Variants in SYT16 observed in about 807,000 individuals in gnomAD.
SYT16 encodes the protein synaptotagmin-16.
Under a neutral mutation model 61.4 loss-of-function variants are expected in SYT16, and 42 were observed. That is an observed-to-expected ratio of 0.68 (90% CI 0.53 to 0.89). SYT16 has a LOEUF of 0.89. SYT16 is among the 40% of genes least tolerant of loss of function. The probability of loss-of-function intolerance (pLI) is 0.00; values close to 1 mark genes in which losing one functional copy is unlikely to be tolerated. For missense variants in SYT16, 804 were observed against 807.3 expected, an observed-to-expected ratio of 1.00 and a Z score of 0.05; for synonymous variants, 314 against 302.3, an observed-to-expected ratio of 1.04 and a Z score of -0.40.
At position 62,046,674 on chromosome 14, in the gene SYT16, T is replaced by C. The variant is rs140495217; in HGVS notation, c.524-22929T>C. ...TCCAGTTTCAGCTTTCTACATATGGTTAGCCAGTTTTCCCAGCACCATTTA... is the reference window on the plus strand; with the variant it reads ...TCCAGTTTCAGCTTTCTACATATGGCTAGCCAGTTTTCCCAGCACCATTTA... On this transcript the variant is annotated intron_variant, in intron 3 of 7. Transcript: ENST00000683842. Among the ~76,000 whole-genome samples, 179 of 152,280 alleles carry C rather than the reference T, an allele frequency of 1.2e-3. 3 individuals carry two copies. The East Asian group carries it at 0.03, about 26-fold the overall frequency.
chr14:61,859,479 A>AG (rs1270341245), intron 1 of SYT16, among the ~76,000 whole-genome samples: 1 of 151,818 alleles, frequency 6.6e-6, no homozygotes, highest in Non-Finnish European at 1.5e-5. Context: ...TTACTATACA[A>AG]TCCGGCACAT....
upstream of SYT16, chr14:61,812,650 GC>G (rs2045303028): frequency 6.8e-6 from 1 of 146,582 alleles, no homozygotes; most frequent in Admixed American, 6.8e-5. Flanking sequence ...GCGCGGGGCG[GC>G]GCGGCGCGGC....
At chr14:62,092,162 A>G (rs1197940932) in intron 7 of SYT16, among the ~76,000 whole-genome samples, 4 of 144,954 alleles carry the variant, frequency 2.8e-5, no homozygotes, top group African/African-American at 1.0e-4. Flanking sequence ...ACCCATTAGG[A>G]TGGCTACTAT....
intron 3 of SYT16, among the ~76,000 whole-genome samples, chr14:62,062,393 T>C (rs370190862): frequency 1.7e-3 from 266 of 152,292 alleles, no homozygotes; most frequent in African/African-American, 6.1e-3. Flanking sequence ...CATAATCTTA[T>C]GAAAATGTAA....
chr14:62,091,076 C>T (rs1342640705), intron 7 of SYT16, among the ~76,000 whole-genome samples: 2 of 152,046 alleles, frequency 1.3e-5, no homozygotes, highest in Admixed American at 1.3e-4. Flanking sequence ...GGGACACAGT[C>T]AAATCATATC....
chr14:62,078,172 A>ATATAAACAC (rs2056576554), intron 5 of SYT16, among the ~76,000 whole-genome samples: 6 of 128,786 alleles, frequency 4.7e-5, no homozygotes, highest in Non-Finnish European at 9.8e-5. Flanking sequence ...TATATATATA[A>ATATAAACAC]ACACACACAC....
chr14:62,078,172 A>AACACACACACACACACACAC (rs144022896), intron 5 of SYT16, among the ~76,000 whole-genome samples: 3,575 of 128,490 alleles, frequency 0.028, 119 homozygotes, highest in African/African-American at 0.088. Context: ...TATATATATA[A>AACACACACACACACACACAC]ACACACACAC....
At chr14:61,924,939 G>C (rs1375722955) in intron 1 of SYT16, among the ~76,000 whole-genome samples, 3 of 152,162 alleles carry the variant, frequency 2.0e-5, no homozygotes, top group Admixed American at 2.0e-4. Context: ...TAGGGACCCA[G>C]GCTGCTTCTG....
chr14:61,909,363 C>T (rs186571876), intron 1 of SYT16, among the ~76,000 whole-genome samples: 131 of 152,316 alleles, frequency 8.6e-4, no homozygotes, highest in African/African-American at 3.0e-3. Context: ...GTTCTATAGT[C>T]GAGTCTGAAA....
rs2057533492 is a variant in SYT16 at position 62,107,438 on chromosome 14, A to C, written c.*6731A>C. 1 of 152,124 alleles carries C rather than the reference A, an allele frequency of 6.6e-6. No individual in the cohort carries two copies. Among genetic ancestry groups the C allele is most frequent in the South Asian group, 2.1e-4 (1 of 4,826 alleles). 9.4% of individuals were successfully genotyped at this position (152,124 alleles called of 1,614,324 possible). On this transcript the variant is annotated 3_prime_UTR_variant, in exon 8 of 8. Transcript: ENST00000683842. ...CAGAGTGAGACTCTGTCTCAAAAAA[A>C]CCAAAAAACAAGACCTTTTTAAGTG...
At chr14:62,091,060 TG>T (rs1179827294) in intron 7 of SYT16, among the ~76,000 whole-genome samples, 1 of 152,172 alleles carries the variant, frequency 6.6e-6, no homozygotes, top group Non-Finnish European at 1.5e-5. Flanking sequence ...AGATGAGATT[TG>T]GCTGGGGACA....
chr14:62,064,805 G>A (rs1277970862), intron 3 of SYT16, among the ~76,000 whole-genome samples: 1 of 152,160 alleles, frequency 6.6e-6, no homozygotes, highest in Non-Finnish European at 1.5e-5. Context: ...TTAGGTTATT[G>A]TGAGGGGTAA....
At chr14:62,032,525 C>T (rs2054346348) in intron 3 of SYT16, among the ~76,000 whole-genome samples, 1 of 151,938 alleles carries the variant, frequency 6.6e-6, no homozygotes, top group Non-Finnish European at 1.5e-5. Flanking sequence ...AAAATTCTTA[C>T]TTGAATTTAT....
At chr14:61,853,157 G>A (rs1313706875) in intron 1 of SYT16, among the ~76,000 whole-genome samples, 1 of 152,200 alleles carries the variant, frequency 6.6e-6, no homozygotes, top group Non-Finnish European at 1.5e-5. Flanking sequence ...GACCTCAAAT[G>A]ATCCACCCGC....
chr14:61,895,806 A>G (rs141336815), intron 1 of SYT16, among the ~76,000 whole-genome samples: 22 of 151,900 alleles, frequency 1.4e-4, no homozygotes, highest in Admixed American at 4.6e-4. Context: ...CCTGAATTGT[A>G]AAAAAAAATT....
intron 1 of SYT16, among the ~76,000 whole-genome samples, chr14:61,928,769 G>A (rs1275317310): frequency 6.6e-6 from 1 of 152,174 alleles, no homozygotes; most frequent in African/African-American, 2.4e-5. Flanking sequence ...CCTGGGTTAA[G>A]AACTGAGCAT....
At position 62,081,169 on chromosome 14, in the gene SYT16, G is replaced by A. The variant is rs2056694191; in HGVS notation, c.1329G>A (p.Met443Ile). The change falls in exon 6 of 8, where the codon ATG (methionine) becomes ATA (isoleucine). Residue 443 changes from methionine (M) to isoleucine (I), a missense_variant. Physicochemically the swap from Met to Ile is conservative, Grantham distance 10 (BLOSUM62 1). Coordinates refer to ENST00000683842, the MANE Select transcript of SYT16 (RefSeq NM_001367656.1). ...VRFRLYAARK[M>I]TRERMMGEKL... is the part of the protein sequence containing the mutation. ...TCCGCCTGTACGCTGCCCGGAAGAT[G>A]ACCCGAGAGAGAATGATGGGAGAGA... The A allele has an allele frequency of 6.2e-7, 1 of 1,613,986 alleles. No homozygotes were observed. The highest frequency in any genetic ancestry group is 8.5e-7 in the Non-Finnish European group (1 of 1,179,900).
At chr14:62,069,875 C>T (rs771621823) in intron 4 of SYT16, 60 bp downstream of exon 4, 62 of 1,541,770 alleles carry the variant, frequency 4.0e-5, no homozygotes, top group African/African-American at 1.4e-4. Flanking sequence ...AGAGTGCATC[C>T]GAATTATTCA....
intron 1 of SYT16, among the ~76,000 whole-genome samples, chr14:61,954,365 A>C (rs1285756783): frequency 2.0e-5 from 3 of 147,008 alleles, no homozygotes; most frequent in African/African-American, 7.6e-5. Context: ...ACAAACATCT[A>C]GTGACTGTGT....
Sources: gnomAD v4.1 joint callset for allele counts (sites outside exome capture counted in the v4.1 genomes callset) on GRCh38, gnomAD v4.1.1 for gene constraint, MANE v1.5 for transcripts, NCBI Gene and HGNC (gene_info 2026-07-23, HGNC 2026-07-21) for gene names.